Variants in MYOM2 observed in about 807,000 individuals in gnomAD.
The protein encoded by MYOM2 is myomesin 2, also known as myomesin-2.
MYOM2 carries 254 observed loss-of-function variants against 187.6 expected under a neutral mutation model. The observed-to-expected ratio is 1.35, with a 90% CI of 1.22 to 1.50. The LOEUF (loss-of-function observed/expected upper bound fraction) is 1.50. MYOM2 is among the 40% of genes most tolerant of loss of function. MYOM2 has a pLI of 0.00. For synonymous variants in MYOM2, 981 were observed against 753.8 expected (o/e 1.30, Z -4.94); for missense variants, 2,796 against 1,924.0 (o/e 1.45, Z -8.48).
chr8:2,118,601 G>A (rs1797324430), intron 28 of MYOM2, among the ~76,000 whole-genome samples: 1 of 152,194 alleles, frequency 6.6e-6, no homozygotes, highest in Non-Finnish European at 1.5e-5. Flanking sequence ...AATTATGCAG[G>A]CCAGTGAGTG....
At chr8:2,068,901 G>T (rs1819117743) in intron 6 of MYOM2, among the ~76,000 whole-genome samples, 2 of 152,226 alleles carry the variant, frequency 1.3e-5, no homozygotes. Context: ...TTCTGCTGGA[G>T]CTTGAGGTCA....
At chr8:2,086,631 A>C (rs1156823431) in intron 14 of MYOM2, among the ~76,000 whole-genome samples, 1 of 152,240 alleles carries the variant, frequency 6.6e-6, no homozygotes, top group Non-Finnish European at 1.5e-5. Flanking sequence ...GTCACACGGC[A>C]GCAGGGGCGG....
In MYOM2 at chr8:2,102,739, C is replaced by T. The variant is rs767422080; in HGVS notation, c.2692C>T (p.Pro898Ser). The part of the protein sequence containing the change: ...RAVNANGVGK[P>S]SDTSEPVLVE... ...AGTCAATGCAAATGGCGTGGGGAAGCCCTCAGACACGTCGGAGCCTGTGCT... is the reference window on the plus strand; with the variant it reads ...AGTCAATGCAAATGGCGTGGGGAAGTCCTCAGACACGTCGGAGCCTGTGCT... The change falls in exon 21 of 37, where the codon CCC (proline) becomes TCC (serine). Residue 898 changes from proline to serine, a missense_variant. Pro to Ser is a moderately conservative substitution (Grantham distance 74). Coordinates refer to ENST00000262113, the MANE Select transcript of MYOM2 (RefSeq NM_003970.4). 15 of 1,613,958 alleles carry T rather than the reference C, an allele frequency of 9.3e-6. No homozygotes were observed. The highest frequency in any genetic ancestry group is 1.6e-4 in the Middle Eastern group (1 of 6,084).
intron 1 of MYOM2, among the ~76,000 whole-genome samples, chr8:2,048,376 G>A (rs1283939602): frequency 6.6e-6 from 1 of 152,248 alleles, no homozygotes; most frequent in Non-Finnish European, 1.5e-5. Context: ...GGGTTTCTGA[G>A]CAGGAAGCGT....
At position 2,141,188 on chromosome 8, in the gene MYOM2, T is replaced by C. The variant is rs1256010338; in HGVS notation, c.4001+11T>C. The C allele has an allele frequency of 1.2e-6, 2 of 1,611,688 alleles. No homozygotes were observed. Among genetic ancestry groups the C allele is most frequent in the Admixed American group, 1.7e-5 (1 of 59,938 alleles). On this transcript the variant is annotated intron_variant, in intron 34 of 36. Coordinates refer to ENST00000262113, the MANE Select transcript of MYOM2 (RefSeq NM_003970.4). The stretch of plus-strand genomic sequence containing the variant: ...ATTCCAGCAATTCAAGTAAGATTTG[T>C]GTATTTAGTTACTATGATATCCTGT...
intron 25 of MYOM2, among the ~76,000 whole-genome samples, chr8:2,110,169 A>C (rs1051469635): frequency 6.6e-6 from 1 of 152,190 alleles, no homozygotes; most frequent in African/African-American, 2.4e-5. Context: ...CAAAAACTTA[A>C]GAAATTAGTT....
intron 3 of MYOM2, among the ~76,000 whole-genome samples, chr8:2,055,083 GAACGAAGTACCTGGATACTGGGGT>G (rs1563414914): frequency 4.7e-4 from 55 of 116,702 alleles, no homozygotes; most frequent in African/African-American, 1.1e-3. Flanking sequence ...GATACTGGGG[GAACGAAGTACCTGGATACTGGGGT>G]AACCAAGTAC....
chr8:2,124,311 G>T, intron 31 of MYOM2, 94 bp downstream of exon 31: 1 of 1,277,246 alleles, frequency 7.8e-7, no homozygotes, highest in East Asian at 2.4e-5. Flanking sequence ...AGGGCACCAT[G>T]GAGCTGTGGT....
At chr8:2,061,600 C>T (rs1204779786) in intron 6 of MYOM2, among the ~76,000 whole-genome samples, 1 of 152,128 alleles carries the variant, frequency 6.6e-6, no homozygotes, top group Non-Finnish European at 1.5e-5. Context: ...GGTCCACCAG[C>T]TCCTCTGTGT....
rs1362540698 is a variant in MYOM2 at position 2,086,468 on chromosome 8, A to T, written c.1644+1078A>T. 2.6e-4 allele frequency among the ~76,000 whole-genome samples: 25 copies of T among 95,676 alleles called. 1 individual carries two copies. The highest frequency in any genetic ancestry group is 5.5e-4 in the Admixed American group (6 of 10,848). The allele number at this position is 95,676 out of a possible 152,430, so 62.8% of individuals were successfully genotyped here. On this transcript the variant is annotated intron_variant, in intron 14 of 36. Coordinates refer to ENST00000262113, the MANE Select transcript of MYOM2 (RefSeq NM_003970.4). ...CTACTGTCGTGATCTCCACGTGGCC[A>T]CACACTGTCATGATCTCTGTGTGGC...
intron 11 of MYOM2, 90 bp downstream of exon 11, chr8:2,076,372 T>C: frequency 6.8e-7 from 1 of 1,475,682 alleles, no homozygotes; most frequent in Non-Finnish European, 9.1e-7. Context: ...TCAATGCAGG[T>C]TGACGTTCCC....
chr8:2,090,063 C>T lies in MYOM2; in HGVS notation c.1700C>T (p.Ser567Phe), dbSNP rs1585886927. Reference protein sequence around the residue: ...QRVNAQTAVRSPRYAVFDLME... With the variant: ...QRVNAQTAVRFPRYAVFDLME... ...GTCAACGCCCAGACGGCTGTGAGAT[C>T]CCCGAGATATGCCGTGTTTGACCTC... The change falls in exon 15 of 37, where the codon TCC (serine) becomes TTC (phenylalanine). Residue 567 changes from serine (S) to phenylalanine (F), a missense_variant. Ser to Phe is a radical substitution (Grantham distance 155). Coordinates refer to ENST00000262113, the MANE Select transcript of MYOM2 (RefSeq NM_003970.4). 6.2e-7 allele frequency: 1 copy of T among 1,614,064 alleles called. No homozygotes were observed. The highest frequency in any genetic ancestry group is 8.5e-7 in the Non-Finnish European group (1 of 1,180,004).
At chr8:2,143,314 C>A in intron 35 of MYOM2, 87 bp from the exon 36 acceptor site, 1 of 1,459,692 alleles carries the variant, frequency 6.9e-7, no homozygotes, top group Non-Finnish European at 9.6e-7. Context: ...CCACATTCAC[C>A]TTGGTACCCA....
rs1796047591 is a variant in MYOM2 at position 2,086,334 on chromosome 8, CCCA to C, written c.1644+946_1644+948del. On this transcript the variant is annotated intron_variant, in intron 14 of 36. Transcript: ENST00000262113. ...CACAGTCGTGATCTCTGCGTGGCCCCCCACTGTTGTGATCTCTGCGTGGCCTCC... is the reference window on the plus strand; with the variant it reads ...CACAGTCGTGATCTCTGCGTGGCCCCCTGTTGTGATCTCTGCGTGGCCTCC... Among the ~76,000 whole-genome samples, 5 of 102,460 alleles carry C rather than the reference CCCA, an allele frequency of 4.9e-5. 2 individuals carry two copies. The highest frequency in any genetic ancestry group is 2.1e-4 in the Admixed American group (2 of 9,658). 67.2% of individuals were successfully genotyped at this position (102,460 alleles called of 152,430 possible). A position where few individuals can be genotyped will look rare whatever the true frequency, so the allele number is the denominator to read the frequency against.
At chr8:2,122,352 C>T (rs955964956) in intron 28 of MYOM2, among the ~76,000 whole-genome samples, 2 of 152,202 alleles carry the variant, frequency 1.3e-5, no homozygotes, top group Non-Finnish European at 2.9e-5. Context: ...GGGACAACTT[C>T]TGTGTGCCAG....
chr8:2,082,979 C>A (rs1819680193), intron 13 of MYOM2, among the ~76,000 whole-genome samples: 1 of 152,084 alleles, frequency 6.6e-6, no homozygotes, highest in East Asian at 1.9e-4. Flanking sequence ...GTTCAGCCAC[C>A]CAGTAGCTGT....
At chr8:2,077,302 C>T (rs1246409872) in intron 11 of MYOM2, among the ~76,000 whole-genome samples, 1 of 151,178 alleles carries the variant, frequency 6.6e-6, no homozygotes, top group African/African-American at 2.4e-5. Flanking sequence ...CAGTGAGACT[C>T]CACCATCAAA....
Position 2,143,416 on chromosome 8 carries a change from T to C in MYOM2, c.4040T>C (p.Ile1347Thr). Residue 1347 changes from isoleucine to threonine, a missense_variant, in exon 36 of 37, where the codon ATC becomes ACC. Transcript: ENST00000262113. The stretch of plus-strand genomic sequence containing the variant: ...CCCGTTGCAGATCGTGGCAGGTTGA[T>C]CGGCGGCTTGCCTGACGTGGTGACC... ...AFAEKNRGRL[I>T]GGLPDVVTIM... The C allele has an allele frequency of 6.2e-7, 1 of 1,614,118 alleles. No individual in the cohort carries two copies. Among genetic ancestry groups the C allele is most frequent in the Non-Finnish European group, 8.5e-7 (1 of 1,180,040 alleles).
intron 6 of MYOM2, among the ~76,000 whole-genome samples, chr8:2,065,970 T>A (rs1159266135): frequency 6.6e-6 from 1 of 152,188 alleles, no homozygotes; most frequent in East Asian, 1.9e-4. Flanking sequence ...GTGTGAACGC[T>A]GTTGATGTTA....
Sources: gnomAD v4.1 joint callset for allele counts (sites outside exome capture counted in the v4.1 genomes callset) on GRCh38, gnomAD v4.1.1 for gene constraint, MANE v1.5 for transcripts, NCBI Gene and HGNC (gene_info 2026-07-23, HGNC 2026-07-21) for gene names.